Variants in NEK6 observed in about 807,000 individuals in gnomAD.
NEK6 encodes the protein NIMA related kinase 6.
Under a neutral mutation model 43.5 loss-of-function variants are expected in NEK6, and 27 were observed. The ratio of observed to expected loss-of-function variants is 0.62; its 90% CI spans 0.46 to 0.86. NEK6 has a LOEUF of 0.86. Ranked by LOEUF, NEK6 falls within the 40% of genes least tolerant of loss-of-function variation. NEK6 has a pLI of 0.00. For missense variants in NEK6, 318 were observed against 414.4 expected (o/e 0.77, Z 2.02); for synonymous variants, 167 against 164.1 (o/e 1.02, Z -0.14).
chr9:124,347,611 A>G (rs1830007762), intron 8 of NEK6, 98 bp from the exon 9 acceptor site: 2 of 715,320 alleles, frequency 2.8e-6, no homozygotes, highest in East Asian at 2.8e-5. Context: ...GGGACCAGAG[A>G]GAACCCATGC....
intron 1 of NEK6, among the ~76,000 whole-genome samples, chr9:124,276,494 G>A (rs970306334): frequency 6.6e-6 from 1 of 152,174 alleles, no homozygotes; most frequent in African/African-American, 2.4e-5. Flanking sequence ...AAATCATGAA[G>A]CAATAATGAG....
At chr9:124,270,807 A>T (rs993589837) in intron 1 of NEK6, among the ~76,000 whole-genome samples, 29 of 152,226 alleles carry the variant, frequency 1.9e-4, no homozygotes, top group African/African-American at 7.0e-4. Flanking sequence ...GTGCTCCATT[A>T]TTCCACCAGA....
rs571010742 is a variant in NEK6 at position 124,308,898 on chromosome 9, C to T, written c.91-3611C>T. ...GGACGACCAGCCCAGGGTCACTTGG[C>T]TGCAGGGGCAAAAGTGGAACTTGCG... On this transcript the variant is annotated intron_variant, in intron 2 of 9. Transcript: ENST00000320246. Among the ~76,000 whole-genome samples, 59 of 152,368 alleles carry T rather than the reference C, an allele frequency of 3.9e-4. 2 individuals carry two copies. The South Asian group carries it at 0.012, about 30-fold the overall frequency.
chr9:124,274,525 C>T (rs576471629), intron 1 of NEK6, among the ~76,000 whole-genome samples: 6 of 152,330 alleles, frequency 3.9e-5, no homozygotes, highest in East Asian at 3.9e-4. Context: ...TGTCCATTTT[C>T]GTGGAGGACC....
chr9:124,339,117 C>G (rs1015619374), intron 7 of NEK6, among the ~76,000 whole-genome samples: 3 of 151,842 alleles, frequency 2.0e-5, no homozygotes, highest in African/African-American at 7.3e-5. Context: ...CAGCCTCCGC[C>G]TCCCTGGTTT....
At chr9:124,304,998 C>A (rs573938445) in intron 2 of NEK6, among the ~76,000 whole-genome samples, 36 of 152,346 alleles carry the variant, frequency 2.4e-4, no homozygotes, top group South Asian at 4.1e-4. Context: ...CTAAGAACCA[C>A]GTGAATTTCC....
chr9:124,338,594 G>T (rs1343327690), intron 7 of NEK6, among the ~76,000 whole-genome samples: 2 of 152,180 alleles, frequency 1.3e-5, no homozygotes, highest in Non-Finnish European at 2.9e-5. Context: ...TTTGGTTAGT[G>T]CCTTTTCCAT....
intron 1 of NEK6, among the ~76,000 whole-genome samples, chr9:124,297,466 C>T (rs1047067179): frequency 6.6e-6 from 1 of 152,180 alleles, no homozygotes; most frequent in Non-Finnish European, 1.5e-5. Context: ...TCCAGCTCCC[C>T]GCCAGCCTCA....
intron 8 of NEK6, among the ~76,000 whole-genome samples, chr9:124,344,494 C>G (rs1225112436): frequency 1.3e-5 from 2 of 152,238 alleles, no homozygotes; most frequent in African/African-American, 4.8e-5. Flanking sequence ...AGGCTGGAAT[C>G]AGGAGTGCTG....
At chr9:124,333,207 G>A (rs1365095219) in intron 7 of NEK6, among the ~76,000 whole-genome samples, 7 of 152,216 alleles carry the variant, frequency 4.6e-5, no homozygotes, top group African/African-American at 7.2e-5. Flanking sequence ...AAACTCATGC[G>A]AGTTGGGCAT....
chr9:124,339,708 C>T, intron 8 of NEK6, 43 bp downstream of exon 8: 2 of 1,426,286 alleles, frequency 1.4e-6, no homozygotes, highest in East Asian at 2.3e-5. Context: ...GTGGGACATG[C>T]ATGGGGGGTG....
chr9:124,274,192 C>T (rs543676383), intron 1 of NEK6, among the ~76,000 whole-genome samples: 1 of 152,378 alleles, frequency 6.6e-6, no homozygotes, highest in African/African-American at 2.4e-5. Flanking sequence ...CCATGGAGGA[C>T]AGAGGCCGCA....
chr9:124,350,729 C>T (rs537973564), intron 9 of NEK6, 108 bp from the exon 10 acceptor site: 2 of 774,190 alleles, frequency 2.6e-6, no homozygotes, highest in African/African-American at 1.7e-5. Flanking sequence ...ACAACGGGAC[C>T]ATCTAGTTGC....
chr9:124,314,870 G>T (rs1458734883), intron 4 of NEK6, among the ~76,000 whole-genome samples: 8 of 152,108 alleles, frequency 5.3e-5, no homozygotes, highest in Admixed American at 5.2e-4. Context: ...ATGTTGACCA[G>T]CCTGGTCTCA....
At chr9:124,302,411 G>A (rs1403320651) in intron 2 of NEK6, among the ~76,000 whole-genome samples, 2 of 152,214 alleles carry the variant, frequency 1.3e-5, no homozygotes, top group Non-Finnish European at 2.9e-5. Context: ...AGAGGAATGG[G>A]CTGACTGTAC....
At chr9:124,306,865 C>G (rs1016742574) in intron 2 of NEK6, among the ~76,000 whole-genome samples, 1 of 152,224 alleles carries the variant, frequency 6.6e-6, no homozygotes, top group Non-Finnish European at 1.5e-5. Context: ...TCCCTACCCA[C>G]AGTGTCAGAT....
chr9:124,341,039 G>A (rs549704738), intron 8 of NEK6, among the ~76,000 whole-genome samples: 5 of 152,308 alleles, frequency 3.3e-5, no homozygotes, highest in African/African-American at 1.2e-4. Context: ...AAACTTCACA[G>A]CATCTTTCTT....
chr9:124,333,448 C>T (rs1462322097), intron 7 of NEK6, among the ~76,000 whole-genome samples: 2 of 152,106 alleles, frequency 1.3e-5, no homozygotes. Context: ...GGGAACCTGC[C>T]GGGAGGCAGG....
intron 1 of NEK6, among the ~76,000 whole-genome samples, chr9:124,298,713 G>T (rs890629704): frequency 1.3e-5 from 2 of 152,134 alleles, no homozygotes; most frequent in African/African-American, 4.8e-5. Flanking sequence ...TCAAATCCTG[G>T]CTCCTTTTGT....
Sources: allele counts gnomAD v4.1 joint callset (sites outside exome capture counted in the v4.1 genomes callset), GRCh38; gene constraint gnomAD v4.1.1; transcripts MANE v1.5; gene names NCBI Gene and HGNC (gene_info 2026-07-23, HGNC 2026-07-21).